Variants in ST3GAL4 observed in about 807,000 individuals in gnomAD.
ST3GAL4 encodes CMP-N-acetylneuraminate-beta-galactosamide-alpha-2,3-sialyltransferase 4.
Under a neutral mutation model 42.6 loss-of-function variants are expected in ST3GAL4, and 24 were observed. The observed-to-expected ratio is 0.56, with a 90% CI of 0.41 to 0.79. The LOEUF (loss-of-function observed/expected upper bound fraction) is 0.79, where lower values mean the gene tolerates loss of function less well. ST3GAL4 is among the 30% of genes least tolerant of loss of function. The pLI is 0.00. For synonymous variants in ST3GAL4, 135 were observed against 163.2 expected (o/e 0.83, Z 1.32); for missense variants, 311 against 430.8 (o/e 0.72, Z 2.46).
In ST3GAL4 at chr11:126,363,462, T is replaced by C. The variant is rs539754604; in HGVS notation, c.-61+7620T>C. Among the ~76,000 whole-genome samples the C allele has an allele frequency of 7.2e-5, 11 of 152,308 alleles. No individual in the cohort carries two copies. The highest frequency in any genetic ancestry group is 4.1e-4 in the South Asian group (2 of 4,830). On this transcript the variant is annotated intron_variant, in intron 1 of 10. Coordinates refer to ENST00000444328, the MANE Select transcript of ST3GAL4 (RefSeq NM_001254757.2). This position sits in a 1 kb window ranked among gnomAD's most constrained non-coding sequence, Gnocchi z 4.6. ...CCGGGAATGTTCAGGAGAGCCTTCA[T>C]TGGGAGCCCATGGGAGCAGGAGTCA... is the stretch of plus-strand genomic sequence containing the variant.
chr11:126,380,487 A>T (rs974251021), intron 1 of ST3GAL4, among the ~76,000 whole-genome samples: 1 of 152,148 alleles, frequency 6.6e-6, no homozygotes, highest in African/African-American at 2.4e-5. Flanking sequence ...GGGCCACTTT[A>T]TGTGTTCCCC....
At chr11:126,401,366 G>A (rs1380397448) in intron 1 of ST3GAL4, among the ~76,000 whole-genome samples, 2 of 151,826 alleles carry the variant, frequency 1.3e-5, no homozygotes, top group Non-Finnish European at 2.9e-5. Context: ...TCAGGAGTTT[G>A]AAACCAGCTT....
intron 10 of ST3GAL4, 72 bp from the exon 11 acceptor site, chr11:126,413,889 G>T: frequency 3.2e-6 from 5 of 1,560,648 alleles, no homozygotes; most frequent in East Asian, 2.2e-5. Context: ...ATTGGGAGGG[G>T]CAGGGAGACT....
chr11:126,381,138 A>G (rs10893501), intron 1 of ST3GAL4, among the ~76,000 whole-genome samples: 31,382 of 152,016 alleles, frequency 0.21, 3,736 homozygotes, highest in East Asian at 0.36. Context: ...TTGAGACCCT[A>G]GCTTTGCACT....
At position 126,406,560 on chromosome 11, in the gene ST3GAL4, G is replaced by A; in HGVS notation, c.101+3G>A. ...CGGGAAGACAGGTACATCGAGCTGTGAGTTCACCTTCCATGTCCTTCCAGT... is the reference window on the plus strand; with the variant it reads ...CGGGAAGACAGGTACATCGAGCTGTAAGTTCACCTTCCATGTCCTTCCAGT... On this transcript the variant is annotated splice_donor_region_variant and intron_variant, in intron 3 of 10. Transcript: ENST00000444328. The surrounding 1 kb of genome is among the most constrained non-coding windows in gnomAD (Gnocchi z 5.4). The A allele has an allele frequency of 6.2e-7, 1 of 1,614,062 alleles. No homozygotes were observed. Among genetic ancestry groups the A allele is most frequent in the East Asian group, 2.2e-5 (1 of 44,898 alleles).
In ST3GAL4 at chr11:126,406,186, A is replaced by C. The variant is rs187273010; in HGVS notation, c.16+15A>C. The C allele has an allele frequency of 7.7e-6, 12 of 1,557,346 alleles. No homozygotes were observed. In the African/African-American group the frequency reaches 1.4e-4, roughly 18 times the overall value. On this transcript the variant is annotated intron_variant, in intron 2 of 10. Coordinates refer to ENST00000444328, the MANE Select transcript of ST3GAL4 (RefSeq NM_001254757.2). The surrounding 1 kb of genome is among the most constrained non-coding windows in gnomAD (Gnocchi z 5.4). ...CAGCAAGTCCCGTGAGTGTCATCCGAGGGCTCCCCCACCCTGGAGGACAGG... is the reference window on the plus strand; with the variant it reads ...CAGCAAGTCCCGTGAGTGTCATCCGCGGGCTCCCCCACCCTGGAGGACAGG...
At chr11:126,364,848 A>G (rs1436510593) in intron 1 of ST3GAL4, among the ~76,000 whole-genome samples, 1 of 151,364 alleles carries the variant, frequency 6.6e-6, no homozygotes. Context: ...GGCCCTGATC[A>G]CCGCACTCCC....
Position 126,410,315 on chromosome 11 carries a change from C to T in ST3GAL4, c.771+904C>T, listed in dbSNP as rs953302252. On this transcript the variant is annotated intron_variant, in intron 9 of 10. Transcript: ENST00000444328. This position sits in a 1 kb window ranked among gnomAD's most constrained non-coding sequence, Gnocchi z 5.3. ...GTGGTCTTCAGCTGGTGGGCTTTAA[C>T]CCACTTTGTAGCTTCCCAAGTACTT... Among the ~76,000 whole-genome samples, 3 of 152,206 alleles carry T rather than the reference C, an allele frequency of 2.0e-5. No individual in the cohort carries two copies. The highest frequency in any genetic ancestry group is 4.4e-5 in the Non-Finnish European group (3 of 68,034).
rs28650981 is a variant in ST3GAL4 at position 126,367,221 on chromosome 11, A to G, written c.-61+11379A>G. Among the ~76,000 whole-genome samples the G allele has an allele frequency of 9.7e-3, 1,473 of 152,116 alleles. 18 individuals carry two copies. The highest frequency in any genetic ancestry group is 0.025 in the African/African-American group (1,036 of 41,498). On this transcript the variant is annotated intron_variant, in intron 1 of 10. Transcript: ENST00000444328. ...TGCTACACCCAGACAGACAGATGGA[A>G]AGCCACCTCCCTAGAGGCCTCCTCC...
At chr11:126,395,246 C>T (rs1472269196) in intron 1 of ST3GAL4, among the ~76,000 whole-genome samples, 2 of 152,010 alleles carry the variant, frequency 1.3e-5, no homozygotes, top group South Asian at 2.1e-4. Context: ...TGCTGGGTGC[C>T]GGGCACTATT....
At position 126,408,299 on chromosome 11, in the gene ST3GAL4, A is replaced by T; in HGVS notation, c.438-8A>T. The T allele has an allele frequency of 6.2e-7, 1 of 1,612,708 alleles. No individual in the cohort carries two copies. Among genetic ancestry groups the T allele is most frequent in the Non-Finnish European group, 8.5e-7 (1 of 1,179,216 alleles). ...TCTAGTGATGGGAATCCTCCTCCCA[A>T]CCCCCAGATTGAACAATGCCCCAGT... On this transcript the variant is annotated splice_region_variant and splice_polypyrimidine_tract_variant and intron_variant, in intron 7 of 10. Coordinates refer to ENST00000444328, the MANE Select transcript of ST3GAL4 (RefSeq NM_001254757.2).
intron 6 of ST3GAL4, 48 bp downstream of exon 6, chr11:126,407,682 GC>G (rs757086884): frequency 6.3e-7 from 1 of 1,591,644 alleles, no homozygotes. Context: ...CCTATTTCCT[GC>G]CCCCTGCCCG....
Position 126,409,425 on chromosome 11 carries a change from G to T in ST3GAL4, c.771+14G>T. The T allele has an allele frequency of 6.2e-7, 1 of 1,614,240 alleles. No individual in the cohort carries two copies. The highest frequency in any genetic ancestry group is 1.1e-5 in the South Asian group (1 of 91,088). On this transcript the variant is annotated intron_variant, in intron 9 of 10. Transcript: ENST00000444328. This position sits in a 1 kb window ranked among gnomAD's most constrained non-coding sequence, Gnocchi z 4.9. ...AAGATTAAGCAGGTGATGATGGGAA[G>T]TCAGGCCTGAGGGCTAGGATCCTGG...
intron 10 of ST3GAL4, 149 bp from the exon 11 acceptor site, chr11:126,413,812 C>A: frequency 7.3e-7 from 1 of 1,365,982 alleles, no homozygotes; most frequent in Non-Finnish European, 1.0e-6. Flanking sequence ...CCATGTTCAG[C>A]CACATGGGCT....
intron 1 of ST3GAL4, among the ~76,000 whole-genome samples, chr11:126,377,089 C>T (rs984035776): frequency 6.6e-6 from 1 of 152,166 alleles, no homozygotes; most frequent in Non-Finnish European, 1.5e-5. Flanking sequence ...ATGGAGAAGG[C>T]AGTGCCCATC....
At position 126,366,703 on chromosome 11, in the gene ST3GAL4, T is replaced by A. The variant is rs573773011; in HGVS notation, c.-61+10861T>A. Among the ~76,000 whole-genome samples the A allele has an allele frequency of 1.3e-5, 2 of 152,226 alleles. No homozygotes were observed. The highest frequency in any genetic ancestry group is 4.8e-5 in the African/African-American group (2 of 41,528). On this transcript the variant is annotated intron_variant, in intron 1 of 10. Coordinates refer to ENST00000444328, the MANE Select transcript of ST3GAL4 (RefSeq NM_001254757.2). The surrounding 1 kb of genome is among the most constrained non-coding windows in gnomAD (Gnocchi z 4.2). ...CCTCAGCTGCACAGGTCTGGAAACA[T>A]CCTTGTTCATCAAGCACCAGGCTGA... is the stretch of plus-strand genomic sequence containing the variant.
Position 126,359,570 on chromosome 11 carries a change from G to A in ST3GAL4, c.-61+3728G>A, listed in dbSNP as rs950437789. On this transcript the variant is annotated intron_variant, in intron 1 of 10. Coordinates refer to ENST00000444328, the MANE Select transcript of ST3GAL4 (RefSeq NM_001254757.2). This position sits in a 1 kb window ranked among gnomAD's most constrained non-coding sequence, Gnocchi z 4.8. Reference sequence around the variant, plus strand: ...GATCCCAGCTCAAAGGCGTGAAGGGGTTTGCTCAAGGCCACAGTGTATTAG... The same window carrying A: ...GATCCCAGCTCAAAGGCGTGAAGGGATTTGCTCAAGGCCACAGTGTATTAG... Among the ~76,000 whole-genome samples the A allele has an allele frequency of 1.2e-4, 19 of 152,304 alleles. No individual in the cohort carries two copies. In the South Asian group the frequency reaches 3.7e-3, roughly 30 times the overall value.
chr11:126,403,117 C>G (rs756785531), intron 1 of ST3GAL4: 1 of 152,858 alleles, frequency 6.5e-6, no homozygotes, highest in African/African-American at 2.4e-5. Context: ...CCTGGAATGC[C>G]TGGGGCCACT....
At chr11:126,387,322 T>A (rs1205911447) in intron 1 of ST3GAL4, among the ~76,000 whole-genome samples, 3 of 152,338 alleles carry the variant, frequency 2.0e-5, no homozygotes, top group Non-Finnish European at 4.4e-5. Flanking sequence ...TCAATATTTT[T>A]TTTCTTCCTC....
Sources: gnomAD v4.1 joint callset for allele counts (sites outside exome capture counted in the v4.1 genomes callset) on GRCh38, gnomAD v4.1.1 for gene constraint, Gnocchi (gnomAD v3.1) non-coding constraint, MANE v1.5 for transcripts, NCBI Gene and HGNC (gene_info 2026-07-23, HGNC 2026-07-21) for gene names.